Variants in NPR1 observed in about 807,000 individuals in gnomAD.
The protein encoded by NPR1 is natriuretic peptide receptor 1, also known as atrial natriuretic peptide receptor 1.
Under a neutral mutation model 116.9 loss-of-function variants are expected in NPR1, and 57 were observed. The ratio of observed to expected loss-of-function variants is 0.49; its 90% CI spans 0.39 to 0.61. The LOEUF (loss-of-function observed/expected upper bound fraction) is 0.61. Among genes scored for constraint, NPR1 ranks in the 20% least tolerant of loss-of-function variants. The probability of loss-of-function intolerance (pLI) is 0.00; values close to 1 mark genes in which losing one functional copy is unlikely to be tolerated. For missense variants in NPR1, 1,096 were observed against 1,409.8 expected (o/e 0.78, Z 3.56); for synonymous variants, 555 against 601.6 (o/e 0.92, Z 1.13).
chr1:153,691,759 C>T (rs994055414), intron 20 of NPR1, among the ~76,000 whole-genome samples: 12 of 151,680 alleles, frequency 7.9e-5, no homozygotes, highest in African/African-American at 2.9e-4. Flanking sequence ...ATTAGCTGGG[C>T]GTGGTGGCAC....
chr1:153,688,282 G>T, intron 15 of NPR1, 61 bp downstream of exon 15: 2 of 1,558,664 alleles, frequency 1.3e-6, no homozygotes, highest in South Asian at 2.4e-5. Flanking sequence ...TTTACCTAAT[G>T]CTTCTGGCTC....
chr1:153,693,969 C>G lies in NPR1; in HGVS notation c.*555C>G. On this transcript the variant is annotated 3_prime_UTR_variant, in exon 22 of 22. Coordinates refer to ENST00000368680, the MANE Select transcript of NPR1 (RefSeq NM_000906.4). ...GCCTTGCTTCTACCATGAGCAGAGA[C>G]AATTAAAATCTTTATTCCAGTGACA... is the stretch of plus-strand genomic sequence containing the variant. The G allele has an allele frequency of 2.5e-6, 1 of 394,260 alleles. No individual in the cohort carries two copies. The highest frequency in any genetic ancestry group is 4.5e-6 in the Non-Finnish European group (1 of 223,876). The allele number at this position is 394,260 out of a possible 1,614,324, so 24.4% of individuals were successfully genotyped here. A position where few individuals can be genotyped will look rare whatever the true frequency, so the allele number is the denominator to read the frequency against.
At chr1:153,687,551 CA>C (rs1669965499) in intron 13 of NPR1, 82 bp from the exon 14 acceptor site, 1 of 1,505,378 alleles carries the variant, frequency 6.6e-7, no homozygotes, top group Admixed American at 2.1e-5. Flanking sequence ...GCATCCAGAT[CA>C]GTTTCGGCCA....
rs1290849061 is a variant in NPR1, at chr1:153,689,130, A to C, written c.2564+31A>C. 7 of 1,613,916 alleles carry C rather than the reference A, an allele frequency of 4.3e-6. No homozygotes were observed. In the African/African-American group the frequency reaches 9.3e-5, roughly 22 times the overall value. ...TGCCTGAGTCTGGGGACCCCCCCCA[A>C]CACAAAGCCCCTGTCCCGACCCCCA... On this transcript the variant is annotated intron_variant, in intron 16 of 21. Coordinates refer to ENST00000368680, the MANE Select transcript of NPR1 (RefSeq NM_000906.4). The surrounding 1 kb of genome is among the most constrained non-coding windows in gnomAD (Gnocchi z 5.1).
At position 153,689,373 on chromosome 1, in the gene NPR1, C is replaced by T; in HGVS notation, c.2688+62C>T. Reference sequence around the variant, plus strand: ...CAGCATCTGGATCCCACCAGACCTGCCTTCTGGTTCTGCTTTACCCACCTG... The same window carrying T: ...CAGCATCTGGATCCCACCAGACCTGTCTTCTGGTTCTGCTTTACCCACCTG... On this transcript the variant is annotated intron_variant, in intron 17 of 21. Transcript: ENST00000368680. This position sits in a 1 kb window ranked among gnomAD's most constrained non-coding sequence, Gnocchi z 5.1. 6.2e-7 allele frequency: 1 copy of T among 1,613,374 alleles called. No individual in the cohort carries two copies. The highest frequency in any genetic ancestry group is 1.7e-5 in the Admixed American group (1 of 60,018).
Position 153,687,212 on chromosome 1 carries a change from C to A in NPR1, c.1948C>A (p.Leu650Ile). ...TNDIVKGMLF[L>I]HNGAICSHGN... ...CTCACATTTCCAGGGCATGCTGTTT[C>A]TACACAATGGGGCTATCTGTTCCCA... Residue 650 changes from leucine (L) to isoleucine (I), a missense_variant, in exon 13 of 22, where the codon CTA becomes ATA. By Grantham distance (5) the Leu-to-Ile change is conservative. Coordinates refer to ENST00000368680, the MANE Select transcript of NPR1 (RefSeq NM_000906.4). The A allele has an allele frequency of 6.2e-7, 1 of 1,614,184 alleles. No individual in the cohort carries two copies. Among genetic ancestry groups the A allele is most frequent in the African/African-American group, 1.3e-5 (1 of 75,062 alleles).
chr1:153,681,249 C>T lies in NPR1; in HGVS notation c.991C>T (p.His331Tyr), dbSNP rs776017270. The T allele has an allele frequency of 5.6e-6, 9 of 1,613,482 alleles. No homozygotes were observed. The highest frequency in any genetic ancestry group is 1.7e-5 in the Admixed American group (1 of 59,992). The change falls in exon 3 of 22, where the codon CAC becomes TAC. Residue 331 changes from histidine (H) to tyrosine (Y), a missense_variant. By Grantham distance (83) the His-to-Tyr change is moderately conservative (BLOSUM62 2). Transcript: ENST00000368680. Reference sequence around the variant, plus strand: ...CTTGGAATTCCTGAAGCAGTTAAAACACCTGGCCTATGAGCAGTTCAACTT... The same window carrying T: ...CTTGGAATTCCTGAAGCAGTTAAAATACCTGGCCTATGAGCAGTTCAACTT... ...EYLEFLKQLK[H>Y]LAYEQFNFTM...
In NPR1 at chr1:153,687,211, T is replaced by A. The variant is rs937836769; in HGVS notation, c.1947T>A (p.Phe649Leu). 2 of 1,614,078 alleles carry A rather than the reference T, an allele frequency of 1.2e-6. No homozygotes were observed. Among genetic ancestry groups the A allele is most frequent in the African/African-American group, 2.7e-5 (2 of 74,936 alleles). ...ACTCACATTTCCAGGGCATGCTGTT[T>A]CTACACAATGGGGCTATCTGTTCCC... ...LTNDIVKGML[F>L]LHNGAICSHG... The change falls in exon 13 of 22, where the codon TTT becomes TTA. Residue 649 changes from phenylalanine to leucine, a missense_variant. By Grantham distance (22) the Phe-to-Leu change is conservative. Transcript: ENST00000368680.
rs772350188 is a variant in NPR1, at chr1:153,688,073, C to T, written c.2269C>T (p.Arg757Trp). 5.6e-6 allele frequency: 9 copies of T among 1,610,558 alleles called. No homozygotes were observed. The highest frequency in any genetic ancestry group is 2.2e-5 in the East Asian group (1 of 44,856). The change falls in exon 15 of 22, where the codon CGG becomes TGG. Residue 757 changes from arginine to tryptophan, a missense_variant. Transcript: ENST00000368680. The stretch of plus-strand genomic sequence containing the variant: ...TACAGAGATCATCGAGCGGGTGACT[C>T]GGGGTGAGCAGCCCCCCTTCCGGCC... ...SPKEIIERVT[R>W]GEQPPFRPSL...
chr1:153,681,839 G>C lies in NPR1; in HGVS notation c.1171G>C (p.Gly391Arg). The change falls in exon 4 of 22, where the codon GGT becomes CGT. Residue 391 changes from glycine to arginine, a missense_variant and splice_region_variant. By Grantham distance (125) the Gly-to-Arg change is moderately radical. Transcript: ENST00000368680. ...TQRMWNRSFQ[G>R]VTGYLKIDSS... is the part of the protein sequence containing the mutation. ...GCGGATGTGGAACCGAAGCTTTCAA[G>C]GTCAGGGCCTGGAGGTGGCTGGAAT... 6.2e-7 allele frequency: 1 copy of C among 1,613,730 alleles called. No homozygotes were observed. Among genetic ancestry groups the C allele is most frequent in the Non-Finnish European group, 8.5e-7 (1 of 1,179,904 alleles).
chr1:153,688,872 G>A, intron 15 of NPR1, 81 bp from the exon 16 acceptor site: 1 of 1,564,528 alleles, frequency 6.4e-7, no homozygotes, highest in Non-Finnish European at 8.7e-7. Flanking sequence ...AGTCTGGAGG[G>A]GGAAGTGCCT....
At position 153,689,548 on chromosome 1, in the gene NPR1, G is replaced by A; in HGVS notation, c.2757+27G>A. 1.2e-6 allele frequency: 2 copies of A among 1,601,204 alleles called. No individual in the cohort carries two copies. Among genetic ancestry groups the A allele is most frequent in the Non-Finnish European group, 1.7e-6 (2 of 1,168,272 alleles). ...TGAGGGTGGGAGTGGGGATGGGAAGGGACAGACAGACATGGACAAGGTCAG... is the reference window on the plus strand; with the variant it reads ...TGAGGGTGGGAGTGGGGATGGGAAGAGACAGACAGACATGGACAAGGTCAG... On this transcript the variant is annotated intron_variant, in intron 18 of 21. Coordinates refer to ENST00000368680, the MANE Select transcript of NPR1 (RefSeq NM_000906.4). The surrounding 1 kb of genome is among the most constrained non-coding windows in gnomAD (Gnocchi z 5.1).
chr1:153,690,438 C>T, intron 20 of NPR1, 56 bp downstream of exon 20: 1 of 1,325,110 alleles, frequency 7.5e-7, no homozygotes, highest in South Asian at 1.3e-5. Context: ...AGGGAAATGC[C>T]ATCCTGGGGC....
chr1:153,679,614 T>C lies in NPR1; in HGVS notation c.506T>C (p.Val169Ala). Reference protein sequence around the residue: ...GPSYAKLGDFVAALHRRLGWE... With the variant: ...GPSYAKLGDFAAALHRRLGWE... Reference sequence around the variant, plus strand: ...AGCTACGCCAAGCTGGGGGACTTCGTGGCGGCGCTGCACCGACGGCTGGGC... The same window carrying C: ...AGCTACGCCAAGCTGGGGGACTTCGCGGCGGCGCTGCACCGACGGCTGGGC... Residue 169 changes from valine (V) to alanine (A), a missense_variant, in exon 1 of 22, where the codon GTG becomes GCG. By Grantham distance (64) the Val-to-Ala change is moderately conservative (BLOSUM62 0). Transcript: ENST00000368680. This position sits in a 1 kb window ranked among gnomAD's most constrained non-coding sequence, Gnocchi z 4.2. The C allele has an allele frequency of 6.3e-7, 1 of 1,586,548 alleles. No homozygotes were observed. Among genetic ancestry groups the C allele is most frequent in the Non-Finnish European group, 8.6e-7 (1 of 1,169,308 alleles).
At chr1:153,683,334 C>A in intron 5 of NPR1, 42 bp from the exon 6 acceptor site, 2 of 1,596,388 alleles carry the variant, frequency 1.3e-6, no homozygotes, top group Non-Finnish European at 1.7e-6. Context: ...GCATGCCTTC[C>A]CCGCAGGCCC....
In NPR1 at chr1:153,689,563, G is replaced by C; in HGVS notation, c.2757+42G>C. On this transcript the variant is annotated intron_variant, in intron 18 of 21. Transcript: ENST00000368680. This position sits in a 1 kb window ranked among gnomAD's most constrained non-coding sequence, Gnocchi z 5.1. ...GGATGGGAAGGGACAGACAGACATG[G>C]ACAAGGTCAGAAAAAGATGAGGGGT... 1 of 1,574,592 alleles carries C rather than the reference G, an allele frequency of 6.4e-7. No homozygotes were observed. The highest frequency in any genetic ancestry group is 8.7e-7 in the Non-Finnish European group (1 of 1,144,382).
rs1407205989 is a variant in NPR1 at position 153,681,182 on chromosome 1, T to A, written c.924T>A (p.Ala308=). Residue 308 remains alanine, a splice_region_variant and synonymous_variant, in exon 3 of 22, where the codon GCT becomes GCA. Coordinates refer to ENST00000368680, the MANE Select transcript of NPR1 (RefSeq NM_000906.4). ...CTCTCCACTGACCCCTTTCTCAGGC[T>A]GCCAAAATCATTACATATAAAGACC... The part of the protein sequence containing the change: ...QDVSARQAFQ[A]AKIITYKDPD... 6.2e-7 allele frequency: 1 copy of A among 1,600,324 alleles called. No individual in the cohort carries two copies. Among genetic ancestry groups the A allele is most frequent in the Admixed American group, 1.7e-5 (1 of 59,978 alleles).
intron 15 of NPR1, among the ~76,000 whole-genome samples, chr1:153,688,432 C>A (rs1170793831): frequency 6.6e-6 from 1 of 152,134 alleles, no homozygotes; most frequent in Non-Finnish European, 1.5e-5. Flanking sequence ...CCATTCATGC[C>A]CCTTCCCTCC....
chr1:153,686,094 C>G (rs1214206463), intron 9 of NPR1, 29 bp from the exon 10 acceptor site: 1 of 1,608,208 alleles, frequency 6.2e-7, no homozygotes, highest in East Asian at 2.2e-5. Flanking sequence ...CCATGCTCTT[C>G]ACAGTGACAG....
Sources: allele counts gnomAD v4.1 joint callset (sites outside exome capture counted in the v4.1 genomes callset), GRCh38; gene constraint gnomAD v4.1.1; non-coding constraint Gnocchi (gnomAD v3.1); transcripts MANE v1.5; gene names NCBI Gene and HGNC (gene_info 2026-07-23, HGNC 2026-07-21).